CDK1: variants seen among roughly 807,000 people sequenced by gnomAD.
The protein encoded by CDK1 is cyclin dependent kinase 1.
In CDK1, 5 loss-of-function variants were observed where a neutral mutation model predicts 34.6. That is an observed-to-expected ratio of 0.14 (90% CI 0.08 to 0.30). The LOEUF (loss-of-function observed/expected upper bound fraction) is 0.30, where lower values mean the gene tolerates loss of function less well. Ranked by LOEUF, CDK1 falls within the 10% of genes least tolerant of loss-of-function variation. CDK1 has a pLI of 1.00. For synonymous variants in CDK1, 108 were observed against 114.7 expected, an observed-to-expected ratio of 0.94 and a Z score of 0.37; for missense variants, 157 against 345.7, an observed-to-expected ratio of 0.45 and a Z score of 4.33.
intron 2 of CDK1, among the ~76,000 whole-genome samples, chr10:60,781,215 C>A (rs1457185177): frequency 2.0e-5 from 3 of 152,018 alleles, no homozygotes; most frequent in Non-Finnish European, 2.9e-5. Context: ...TAAAAAGAGA[C>A]CTTCTTAAAG....
chr10:60,785,124 G>A (rs931887695), intron 3 of CDK1, among the ~76,000 whole-genome samples: 1 of 152,120 alleles, frequency 6.6e-6, no homozygotes, highest in East Asian at 1.9e-4. Flanking sequence ...GAGTAAAGCC[G>A]TTTTCATAGA....
At chr10:60,785,955 T>A (rs2080312109) in intron 4 of CDK1, 168 bp downstream of exon 4, 1 of 1,217,122 alleles carries the variant, frequency 8.2e-7, no homozygotes, top group Non-Finnish European at 1.0e-6. Flanking sequence ...GAGATACCCA[T>A]GTTATTACCA....
rs2080382339 is a variant in CDK1 at position 60,794,223 on chromosome 10, C to G, written c.*248C>G. 4.1e-6 allele frequency: 1 copy of G among 244,178 alleles called. No individual in the cohort carries two copies. The highest frequency in any genetic ancestry group is 2.2e-5 in the African/African-American group (1 of 44,518). The allele number at this position is 244,178 out of a possible 1,614,324, so 15.1% of individuals were successfully genotyped here. A position where few individuals can be genotyped will look rare whatever the true frequency, so the allele number is the denominator to read the frequency against. ...TATAATAAAACTATAATATTGATGT[C>G]AGGAATCAGGAAAAAATTTGAGTTG... On this transcript the variant is annotated 3_prime_UTR_variant, in exon 8 of 8. Coordinates refer to ENST00000395284, the MANE Select transcript of CDK1 (RefSeq NM_001786.5).
intron 2 of CDK1, among the ~76,000 whole-genome samples, chr10:60,781,058 ATTT>A (rs11351423): frequency 2.7e-5 from 4 of 149,920 alleles, no homozygotes; most frequent in Admixed American, 6.6e-5. Context: ...ATATATATAT[ATTT>A]TTTTTTTAAA....
Position 60,788,231 on chromosome 10 carries a change from G to GTAGTAACACTCTGGTACAGAT in CDK1, c.489+1_489+2insTAGTAACACTCTGGTACAGAT. 6.3e-7 allele frequency: 1 copy of GTAGTAACACTCTGGTACAGAT among 1,580,626 alleles called. No individual in the cohort carries two copies. Among genetic ancestry groups the GTAGTAACACTCTGGTACAGAT allele is most frequent in the Non-Finnish European group, 8.6e-7 (1 of 1,162,282 alleles). ...ACCTATCAGAGTATATACACATGAG[G>GTAGTAACACTCTGGTACAGAT]CAAGTGGAATAGTGGTTTTTGATGG... On this transcript the variant is annotated splice_donor_variant, in intron 5 of 7. Transcript: ENST00000395284. LOFTEE classifies it high-confidence loss of function.
At chr10:60,786,072 TA>T in intron 4 of CDK1, 1 of 1,039,636 alleles carries the variant, frequency 9.6e-7, no homozygotes, top group Non-Finnish European at 1.2e-6. Flanking sequence ...CAGATACATG[TA>T]AAACAAAGTA....
rs1441783938 is a variant in CDK1, at chr10:60,780,146, A to G, written c.-20A>G. On this transcript the variant is annotated 5_prime_UTR_variant, in exon 2 of 8. Coordinates refer to ENST00000395284, the MANE Select transcript of CDK1 (RefSeq NM_001786.5). Reference sequence around the variant, plus strand: ...CAGTTTTTCCTTCACTTTAGGATCTACCATACCCATTGACTAACTATGGAA... The same window carrying G: ...CAGTTTTTCCTTCACTTTAGGATCTGCCATACCCATTGACTAACTATGGAA... The G allele has an allele frequency of 4.0e-6, 6 of 1,491,204 alleles. No homozygotes were observed. In the South Asian group the frequency reaches 6.8e-5, roughly 17 times the overall value. 92.4% of individuals were successfully genotyped at this position (1,491,204 alleles called of 1,614,324 possible). A position where few individuals can be genotyped will look rare whatever the true frequency, so the allele number is the denominator to read the frequency against.
intron 1 of CDK1, among the ~76,000 whole-genome samples, 183 bp from the exon 2 acceptor site, chr10:60,779,958 A>T (rs1292366919): frequency 6.6e-6 from 1 of 152,218 alleles, no homozygotes; most frequent in East Asian, 1.9e-4. Flanking sequence ...GGAGTCAAGA[A>T]GGATGGAAAG....
chr10:60,792,685 C>G (rs1485030991), intron 7 of CDK1, among the ~76,000 whole-genome samples: 1 of 151,988 alleles, frequency 6.6e-6, no homozygotes, highest in East Asian at 1.9e-4. Flanking sequence ...TCTGAATAAG[C>G]TTTATTCGCA....
intron 5 of CDK1, among the ~76,000 whole-genome samples, chr10:60,789,882 G>C (rs555521532): frequency 1.3e-5 from 2 of 152,268 alleles, no homozygotes; most frequent in African/African-American, 4.8e-5. Flanking sequence ...TGCGTAAAAA[G>C]TTGCCCTTTC....
At chr10:60,784,356 G>A (rs2080297520) in intron 2 of CDK1, among the ~76,000 whole-genome samples, 1 of 152,154 alleles carries the variant, frequency 6.6e-6, no homozygotes, top group Non-Finnish European at 1.5e-5. Flanking sequence ...TTGACCAGGT[G>A]CGGTGGCTCA....
intron 2 of CDK1, among the ~76,000 whole-genome samples, chr10:60,781,500 T>C (rs2080272427): frequency 1.3e-5 from 2 of 152,170 alleles, no homozygotes; most frequent in African/African-American, 4.8e-5. Context: ...TATGATTCAA[T>C]TGAACAATAT....
intron 3 of CDK1, 44 bp from the exon 4 acceptor site, chr10:60,785,620 A>G (rs1378593595): frequency 9.4e-6 from 12 of 1,279,458 alleles, no homozygotes; most frequent in South Asian, 1.5e-5. Context: ...ACAGAGGTCA[A>G]AAATGTTTGC....
chr10:60,784,645 GAA>G, intron 2 of CDK1, 58 bp from the exon 3 acceptor site: 4 of 1,359,900 alleles, frequency 2.9e-6, no homozygotes, highest in Non-Finnish European at 4.1e-6. Flanking sequence ...AAAAAAAAAA[GAA>G]AAAAAGATCT....
At chr10:60,778,356 G>T (rs1348498936), upstream of CDK1, 2 of 152,318 alleles carry the variant, frequency 1.3e-5, no homozygotes, top group African/African-American at 4.8e-5. Context: ...TTTCTTTCGC[G>T]CTCTAGCCAC....
In CDK1 at chr10:60,780,172, G is replaced by C; in HGVS notation, c.7G>C (p.Asp3His). Residue 3 changes from aspartate (D) to histidine (H), a missense_variant, in exon 2 of 8, where the codon GAT becomes CAT. Physicochemically the swap from Asp to His is moderately conservative, Grantham distance 81. This residue lies in a region of CDK1 where 53 missense variants were observed against 89.2 expected (regional missense o/e 0.59). Coordinates refer to ENST00000395284, the MANE Select transcript of CDK1 (RefSeq NM_001786.5). ...CCATACCCATTGACTAACTATGGAA[G>C]ATTATACCAAAATAGAGAAAATTGG... is the stretch of plus-strand genomic sequence containing the variant. ME[D>H]YTKIEKIGEG... 1 of 1,541,282 alleles carries C rather than the reference G, an allele frequency of 6.5e-7. No individual in the cohort carries two copies. The highest frequency in any genetic ancestry group is 9.0e-7 in the Non-Finnish European group (1 of 1,114,156).
chr10:60,784,934 T>A, intron 3 of CDK1, 73 bp downstream of exon 3: 1 of 1,395,598 alleles, frequency 7.2e-7, no homozygotes, highest in South Asian at 1.2e-5. Flanking sequence ...TTGGAAATCT[T>A]TACATTTGCT....
chr10:60,784,708 C>G lies in CDK1; in HGVS notation c.41C>G (p.Thr14Ser), dbSNP rs1201393937. The G allele has an allele frequency of 1.2e-6, 2 of 1,609,110 alleles. No homozygotes were observed. Among genetic ancestry groups the G allele is most frequent in the African/African-American group, 2.7e-5 (2 of 74,680 alleles). Residue 14 changes from threonine (T) to serine (S), a missense_variant, in exon 3 of 8, where the codon ACC becomes AGC. Thr to Ser is a moderately conservative substitution (Grantham distance 58). Transcript: ENST00000395284. ...CATATTATTTACTTTGTTTCAGGTACCTATGGAGTTGTGTATAAGGGTAGA... is the reference window on the plus strand; with the variant it reads ...CATATTATTTACTTTGTTTCAGGTAGCTATGGAGTTGTGTATAAGGGTAGA... ...YTKIEKIGEGTYGVVYKGRHK... is the reference protein window; with the variant it reads ...YTKIEKIGEGSYGVVYKGRHK...
intron 4 of CDK1, chr10:60,786,394 T>C (rs1227519349): frequency 6.4e-6 from 5 of 783,136 alleles, no homozygotes; most frequent in Non-Finnish European, 7.7e-6. Flanking sequence ...TTCCCTTTTT[T>C]GTGTAAAACA....
Sources: allele counts gnomAD v4.1 joint callset (sites outside exome capture counted in the v4.1 genomes callset), GRCh38; gene constraint gnomAD v4.1.1; regional missense constraint gnomAD v4.1.1; transcripts MANE v1.5; gene names NCBI Gene and HGNC (gene_info 2026-07-23, HGNC 2026-07-21).